Variants in TBCEL observed in about 807,000 individuals in gnomAD.
The protein encoded by TBCEL is tubulin-specific chaperone cofactor E-like protein.
In TBCEL, 15 loss-of-function variants were observed where a neutral mutation model predicts 44.2. The observed-to-expected ratio is 0.34, with a 90% CI of 0.23 to 0.52. TBCEL has a LOEUF of 0.52. Among genes scored for constraint, TBCEL ranks in the 20% least tolerant of loss-of-function variants. TBCEL has a pLI of 0.95. For synonymous variants in TBCEL, 171 were observed against 185.4 expected (o/e 0.92, Z 0.63); for missense variants, 319 against 506.3 (o/e 0.63, Z 3.55).
At position 121,087,115 on chromosome 11, in the gene TBCEL, A is replaced by C. The variant is rs761732292; in HGVS notation, c.*19A>C. ...AAAATAACCTCTACCAGCCTTGTGAAAAACATACACATAAGGACTTGTTGC... is the reference window on the plus strand; with the variant it reads ...AAAATAACCTCTACCAGCCTTGTGACAAACATACACATAAGGACTTGTTGC... On this transcript the variant is annotated 3_prime_UTR_variant, in exon 9 of 9. Transcript: ENST00000683345. The C allele has an allele frequency of 6.2e-7, 1 of 1,601,246 alleles. No individual in the cohort carries two copies. Among genetic ancestry groups the C allele is most frequent in the Non-Finnish European group, 8.5e-7 (1 of 1,174,116 alleles).
chr11:121,042,193 C>A (rs1172103417), intron 2 of TBCEL, among the ~76,000 whole-genome samples: 1 of 152,162 alleles, frequency 6.6e-6, no homozygotes, highest in Non-Finnish European at 1.5e-5. Context: ...ACAGTTCACC[C>A]TCTCCACACA....
rs781649099 is a variant in TBCEL, at chr11:121,086,900, G to A, written c.1079G>A (p.Arg360His). The A allele has an allele frequency of 1.5e-5, 25 of 1,614,036 alleles. No individual in the cohort carries two copies. The highest frequency in any genetic ancestry group is 1.9e-5 in the Non-Finnish European group (23 of 1,179,996). ...GATCAGGTGGAAGAAATGAGCATTC[G>A]TCTGGACCAAACAGTGGCAGAACTA... ...FNDQVEEMSI[R>H]LDQTVAELKK... is the part of the protein sequence containing the mutation. Residue 360 changes from arginine (R) to histidine (H), a missense_variant, in exon 9 of 9, where the codon CGT (arginine) becomes CAT (histidine). Coordinates refer to ENST00000683345, the MANE Select transcript of TBCEL (RefSeq NM_001363644.2).
In TBCEL at chr11:121,047,687, A is replaced by G. The variant is rs765054647; in HGVS notation, c.273+20A>G. ...CATGAGGTGAAGTTTTTATATTGCT[A>G]CATTTTAGTGAAAAGCAGCAATAAC... is the stretch of plus-strand genomic sequence containing the variant. On this transcript the variant is annotated intron_variant, in intron 4 of 8. Coordinates refer to ENST00000683345, the MANE Select transcript of TBCEL (RefSeq NM_001363644.2). The G allele has an allele frequency of 4.3e-6, 7 of 1,610,696 alleles. No homozygotes were observed. The African/African-American group carries it at 6.7e-5, about 15-fold the overall frequency.
intron 8 of TBCEL, among the ~76,000 whole-genome samples, chr11:121,082,492 G>A (rs888423254): frequency 6.6e-6 from 1 of 152,090 alleles, no homozygotes; most frequent in Non-Finnish European, 1.5e-5. Context: ...CCCAGATATG[G>A]GAGCCAAAAT....
intron 1 of TBCEL, among the ~76,000 whole-genome samples, chr11:121,034,345 A>G (rs1302713613): frequency 1.3e-5 from 2 of 152,182 alleles, no homozygotes. Context: ...TCAGTATGAA[A>G]TCTTTTGTGG....
At chr11:121,034,130 G>A (rs910696406) in intron 1 of TBCEL, among the ~76,000 whole-genome samples, 2 of 152,126 alleles carry the variant, frequency 1.3e-5, no homozygotes, top group Non-Finnish European at 2.9e-5. Context: ...AAGGGGAATT[G>A]CTGGGTCATA....
intron 8 of TBCEL, among the ~76,000 whole-genome samples, chr11:121,067,118 T>C (rs1591408263): frequency 6.6e-6 from 1 of 152,216 alleles, no homozygotes; most frequent in East Asian, 1.9e-4. Flanking sequence ...TTACCCAAAA[T>C]GTCTTTGAGG....
intron 4 of TBCEL, among the ~76,000 whole-genome samples, chr11:121,051,148 TCA>T (rs1945521194): frequency 6.6e-6 from 1 of 151,778 alleles, no homozygotes; most frequent in African/African-American, 2.4e-5. Flanking sequence ...AAATTCTAGT[TCA>T]GTTTTACCTT....
At chr11:121,043,320 A>G (rs1448825851) in intron 2 of TBCEL, among the ~76,000 whole-genome samples, 1 of 152,222 alleles carries the variant, frequency 6.6e-6, no homozygotes, top group Non-Finnish European at 1.5e-5. Context: ...AAATAGGATT[A>G]CACAGTTCCA....
intron 7 of TBCEL, 26 bp downstream of exon 7, chr11:121,058,497 T>C (rs1379301971): frequency 3.1e-6 from 5 of 1,609,622 alleles, no homozygotes; most frequent in East Asian, 4.5e-5. Flanking sequence ...CGTTTTGCTT[T>C]ATTTTTGTGA....
chr11:121,066,383 G>C (rs1374201821), intron 8 of TBCEL, among the ~76,000 whole-genome samples: 1 of 152,190 alleles, frequency 6.6e-6, no homozygotes, highest in East Asian at 1.9e-4. Flanking sequence ...AATGGAGAAA[G>C]AGAATATCTA....
chr11:121,045,856 G>A (rs1945421203), intron 3 of TBCEL, 33 bp downstream of exon 3: 1 of 1,524,056 alleles, frequency 6.6e-7, no homozygotes, highest in Non-Finnish European at 8.8e-7. Flanking sequence ...CACTTATTTA[G>A]TGGAGCTTAC....
intron 7 of TBCEL, among the ~76,000 whole-genome samples, chr11:121,059,011 G>A (rs1324128539): frequency 2.0e-5 from 3 of 151,914 alleles, no homozygotes; most frequent in Admixed American, 1.3e-4. Flanking sequence ...TTTCCCATGA[G>A]TATTTATTTT....
At chr11:121,072,880 T>G (rs1348807683) in intron 8 of TBCEL, among the ~76,000 whole-genome samples, 1 of 152,148 alleles carries the variant, frequency 6.6e-6, no homozygotes, top group Non-Finnish European at 1.5e-5. Flanking sequence ...TATGTATAGT[T>G]TCAAATAGAG....
At position 121,024,304 on chromosome 11, in the gene TBCEL, G is replaced by C. The variant is rs1484672203; in HGVS notation, c.-126+13G>C. On this transcript the variant is annotated intron_variant, in intron 1 of 8. Transcript: ENST00000683345. Reference sequence around the variant, plus strand: ...CCCGGGCTGAGGGGTGAGTGGAGCCGGGCCCGCTGGCTCTGCCGGGCTCTC... The same window carrying C: ...CCCGGGCTGAGGGGTGAGTGGAGCCCGGCCCGCTGGCTCTGCCGGGCTCTC... The C allele has an allele frequency of 6.6e-6, 1 of 152,426 alleles. No homozygotes were observed. Among genetic ancestry groups the C allele is most frequent in the Non-Finnish European group, 1.5e-5 (1 of 68,186 alleles). 9.4% of individuals were successfully genotyped at this position (152,426 alleles called of 1,614,324 possible). A position where few individuals can be genotyped will look rare whatever the true frequency, so the allele number is the denominator to read the frequency against.
At chr11:121,063,034 G>C (rs978108881) in intron 8 of TBCEL, among the ~76,000 whole-genome samples, 1 of 151,744 alleles carries the variant, frequency 6.6e-6, no homozygotes, top group African/African-American at 2.4e-5. Flanking sequence ...TAATAGAAGT[G>C]AACAAAGTTC....
intron 2 of TBCEL, among the ~76,000 whole-genome samples, chr11:121,044,182 T>G (rs890697984): frequency 2.0e-5 from 3 of 152,132 alleles, no homozygotes; most frequent in Non-Finnish European, 2.9e-5. Flanking sequence ...TCTCACGATC[T>G]CTCTGCTGTA....
At chr11:121,057,609 A>G in intron 6 of TBCEL, 1 of 455,090 alleles carries the variant, frequency 2.2e-6, no homozygotes, top group Non-Finnish European at 4.4e-6. Context: ...TACATGGGGA[A>G]GAAGGGTAGT....
At chr11:121,037,964 T>A (rs1945262420) in intron 2 of TBCEL, among the ~76,000 whole-genome samples, 2 of 139,022 alleles carry the variant, frequency 1.4e-5, no homozygotes, top group South Asian at 4.4e-4. Flanking sequence ...GCAGAATGAA[T>A]TTTTTTTTTT....
Sources: gnomAD v4.1 joint callset for allele counts (sites outside exome capture counted in the v4.1 genomes callset) on GRCh38, gnomAD v4.1.1 for gene constraint, MANE v1.5 for transcripts, NCBI Gene and HGNC (gene_info 2026-07-23, HGNC 2026-07-21) for gene names.